Variants in CAPN13 observed in about 807,000 individuals in gnomAD.
CAPN13 encodes the protein calpain-13.
In CAPN13, 90 loss-of-function variants were observed where a neutral mutation model predicts 98.4. The ratio of observed to expected loss-of-function variants is 0.92; its 90% CI spans 0.77 to 1.09. The LOEUF is 1.09. Ranked by LOEUF, CAPN13 falls within the 50% of genes least tolerant of loss-of-function variation. The probability of loss-of-function intolerance (pLI) is 0.00; values close to 1 mark genes in which losing one functional copy is unlikely to be tolerated. For synonymous variants in CAPN13, 330 were observed against 305.5 expected (o/e 1.08, Z -0.84); for missense variants, 887 against 841.3 (o/e 1.05, Z -0.67).
chr2:30,741,702 CG>C (rs1391363881), intron 15 of CAPN13: 6 of 1,417,328 alleles, frequency 4.2e-6, no homozygotes, highest in Non-Finnish European at 4.6e-6. Flanking sequence ...TGAAGTCCCC[CG>C]GATGACACTG....
chr2:30,790,640 C>T (rs1674556510), intron 1 of CAPN13, among the ~76,000 whole-genome samples: 1 of 152,156 alleles, frequency 6.6e-6, no homozygotes, highest in Non-Finnish European at 1.5e-5. Flanking sequence ...GCTTGGGCTG[C>T]CATAGCAAAA....
intron 7 of CAPN13, among the ~76,000 whole-genome samples, chr2:30,762,037 G>A (rs1672874970): frequency 6.6e-6 from 1 of 152,186 alleles, no homozygotes; most frequent in African/African-American, 2.4e-5. Context: ...CTCAAGTGTT[G>A]TGGGAAATAC....
chr2:30,782,407 C>T lies in CAPN13; in HGVS notation c.198+4721G>A, dbSNP rs13432973. Among the ~76,000 whole-genome samples, 1,216 of 152,316 alleles carry T rather than the reference C, an allele frequency of 8.0e-3. 19 individuals are homozygous for T. Among genetic ancestry groups the T allele is most frequent in the African/African-American group, 0.027 (1,114 of 41,558 alleles). On this transcript the variant is annotated intron_variant, in intron 2 of 22. Coordinates refer to ENST00000295055, the MANE Select transcript of CAPN13 (RefSeq NM_144575.3). ...ACTTAGATTTATTGGCATCAAAGTT[C>T]TCTGGCTGAATGACACTTGGCTGTT...
chr2:30,752,879 A>T (rs893127976), intron 10 of CAPN13, among the ~76,000 whole-genome samples, 174 bp downstream of exon 10: 1 of 152,198 alleles, frequency 6.6e-6, no homozygotes. Context: ...CCCCTACAGC[A>T]ATCATTTTAC....
At position 30,789,344 on chromosome 2, in the gene CAPN13, T is replaced by C. The variant is rs944643103; in HGVS notation, c.-32-1987A>G. 2.6e-5 allele frequency among the ~76,000 whole-genome samples: 4 copies of C among 152,226 alleles called. 1 individual carries two copies. The highest frequency in any genetic ancestry group is 4.8e-5 in the African/African-American group (2 of 41,466). Reference sequence around the variant, plus strand: ...AAGCCTCCTACCTCTCAGGAAAATATTGAATTACAATGTGTGATAAATTCT... The same window carrying C: ...AAGCCTCCTACCTCTCAGGAAAATACTGAATTACAATGTGTGATAAATTCT... On this transcript the variant is annotated intron_variant, in intron 1 of 22. Transcript: ENST00000295055.
chr2:30,767,426 G>A (rs1333050525), intron 5 of CAPN13, among the ~76,000 whole-genome samples: 3 of 152,126 alleles, frequency 2.0e-5, no homozygotes, highest in Admixed American at 2.0e-4. Flanking sequence ...GATTGCTTGA[G>A]GTCATCTGTT....
intron 18 of CAPN13, among the ~76,000 whole-genome samples, chr2:30,734,887 T>A (rs1005206621): frequency 2.6e-5 from 4 of 152,208 alleles, no homozygotes; most frequent in Admixed American, 2.0e-4. Context: ...TCGTGGACTA[T>A]TTACCAGCTG....
intron 22 of CAPN13, among the ~76,000 whole-genome samples, chr2:30,730,127 T>C (rs1180552338): frequency 6.6e-6 from 1 of 152,182 alleles, no homozygotes; most frequent in African/African-American, 2.4e-5. Flanking sequence ...TCCCCTGTCC[T>C]AAAGAATTCT....
At position 30,802,124 on chromosome 2, in the gene CAPN13, A is replaced by G. The variant is rs551508992; in HGVS notation, c.-33+5178T>C. 2.0e-5 allele frequency among the ~76,000 whole-genome samples: 3 copies of G among 152,262 alleles called. No homozygotes were observed. In the East Asian group the frequency reaches 5.8e-4, roughly 29 times the overall value. On this transcript the variant is annotated intron_variant, in intron 1 of 22. Coordinates refer to ENST00000295055, the MANE Select transcript of CAPN13 (RefSeq NM_144575.3). ...CTCAGGCCTGACCTGTGGAGGCTGC[A>G]GAGGCGAGTAGGCTGAGCCCTGGAC...
intron 9 of CAPN13, among the ~76,000 whole-genome samples, chr2:30,754,065 T>C (rs1169672518): frequency 1.3e-5 from 2 of 152,202 alleles, no homozygotes; most frequent in East Asian, 1.9e-4. Context: ...TAAAATGTCC[T>C]GGAAAGTTCA....
intron 14 of CAPN13, 126 bp from the exon 15 acceptor site, chr2:30,742,090 G>T: frequency 1.0e-6 from 1 of 1,004,650 alleles, no homozygotes; most frequent in Non-Finnish European, 1.5e-6. Context: ...GTTGGAAAAA[G>T]CCTTCTGGGG....
intron 12 of CAPN13, chr2:30,743,817 A>C (rs900643667): frequency 1.2e-4 from 79 of 646,908 alleles, no homozygotes; most frequent in African/African-American, 1.1e-3. Flanking sequence ...GTTTCATCTC[A>C]TTGGGTCTAA....
intron 7 of CAPN13, among the ~76,000 whole-genome samples, chr2:30,758,503 A>G (rs533953303): frequency 6.6e-6 from 1 of 152,290 alleles, no homozygotes; most frequent in South Asian, 2.1e-4. Context: ...GCCTCCTCCA[A>G]GCCCTGTCAT....
At chr2:30,779,840 G>A (rs1165636653) in intron 2 of CAPN13, among the ~76,000 whole-genome samples, 1 of 151,956 alleles carries the variant, frequency 6.6e-6, no homozygotes, top group Non-Finnish European at 1.5e-5. Flanking sequence ...GAAAGTAATG[G>A]CCAATAATGG....
chr2:30,745,894 ATTTTTTTT>A (rs57880021), intron 11 of CAPN13, among the ~76,000 whole-genome samples, 160 bp from the exon 12 acceptor site: 1 of 92,766 alleles, frequency 1.1e-5, no homozygotes, highest in Admixed American at 1.5e-4. Flanking sequence ...GCCATAAAGC[ATTTTTTTT>A]TTTTTTTTTT....
At chr2:30,800,157 AAAGAAAGAAAGAAAG>A (rs1333130631) in intron 1 of CAPN13, among the ~76,000 whole-genome samples, 2 of 150,378 alleles carry the variant, frequency 1.3e-5, no homozygotes, top group Non-Finnish European at 3.0e-5. Context: ...AGAAAGAAAG[AAAGAAAGAAAGAAAG>A]AAAGAAAGAA....
At chr2:30,784,391 C>T (rs1674151224) in intron 2 of CAPN13, among the ~76,000 whole-genome samples, 1 of 152,124 alleles carries the variant, frequency 6.6e-6, no homozygotes, top group South Asian at 2.1e-4. Flanking sequence ...CCAAATTAAT[C>T]ACAGTAACAA....
chr2:30,787,587 G>A (rs571978048), intron 1 of CAPN13, among the ~76,000 whole-genome samples: 11 of 152,316 alleles, frequency 7.2e-5, no homozygotes, highest in South Asian at 2.1e-4. Context: ...GTGCTTTCAC[G>A]TGCACAAGAG....
chr2:30,741,159 C>A (rs1029856092), intron 15 of CAPN13, among the ~76,000 whole-genome samples: 3 of 152,178 alleles, frequency 2.0e-5, no homozygotes, highest in Admixed American at 2.0e-4. Flanking sequence ...CTGTGTACAG[C>A]TGCTCTTTGC....
Sources: gnomAD v4.1 joint callset for allele counts (sites outside exome capture counted in the v4.1 genomes callset) on GRCh38, gnomAD v4.1.1 for gene constraint, MANE v1.5 for transcripts, NCBI Gene and HGNC (gene_info 2026-07-23, HGNC 2026-07-21) for gene names.